Variants in DNAH7 observed in about 807,000 individuals in gnomAD.
The protein encoded by DNAH7 is axonemal beta dynein heavy chain 7.
In DNAH7, 397 loss-of-function variants were observed where a neutral mutation model predicts 444.6. The ratio of observed to expected loss-of-function variants is 0.89; its 90% CI spans 0.82 to 0.97. The LOEUF (loss-of-function observed/expected upper bound fraction) is 0.97. Among genes scored for constraint, DNAH7 ranks in the 50% least tolerant of loss-of-function variants. DNAH7 has a pLI of 0.00. For synonymous variants in DNAH7, 1,636 were observed against 1,624.4 expected (o/e 1.01, Z -0.17); for missense variants, 4,902 against 4,800.8 (o/e 1.02, Z -0.62).
chr2:195,743,173 G>C (rs1315823845), intron 63 of DNAH7, among the ~76,000 whole-genome samples: 2 of 152,240 alleles, frequency 1.3e-5, no homozygotes, highest in African/African-American at 4.8e-5. Flanking sequence ...CTAGTGGTTT[G>C]CCAGGGGCTC....
intron 62 of DNAH7, among the ~76,000 whole-genome samples, chr2:195,755,607 T>A (rs576166589): frequency 6.6e-6 from 1 of 152,346 alleles, no homozygotes; most frequent in East Asian, 1.9e-4. Flanking sequence ...ATAGGCAGCT[T>A]TTGACACATT....
At chr2:196,024,930 G>T (rs990215965) in intron 7 of DNAH7, among the ~76,000 whole-genome samples, 1 of 150,438 alleles carries the variant, frequency 6.6e-6, no homozygotes, top group Non-Finnish European at 1.5e-5. Context: ...AACCAACGAT[G>T]AATCAAAAAT....
intron 49 of DNAH7, among the ~76,000 whole-genome samples, chr2:195,818,068 C>T (rs982941050): frequency 6.6e-6 from 1 of 152,174 alleles, no homozygotes; most frequent in Non-Finnish European, 1.5e-5. Flanking sequence ...GTTTGGTGAT[C>T]AACTTATTCT....
chr2:195,955,269 T>C (rs1690566547), intron 19 of DNAH7, among the ~76,000 whole-genome samples: 1 of 152,226 alleles, frequency 6.6e-6, no homozygotes, highest in South Asian at 2.1e-4. Flanking sequence ...CAGCACCATT[T>C]ATTAAATAGG....
At chr2:195,796,478 G>T in intron 56 of DNAH7, 98 bp downstream of exon 56, 1 of 1,376,394 alleles carries the variant, frequency 7.3e-7, no homozygotes, top group Non-Finnish European at 9.9e-7. Flanking sequence ...AACCTGCAAC[G>T]CTCCAAATTA....
intron 10 of DNAH7, among the ~76,000 whole-genome samples, chr2:196,002,981 C>T (rs1369644954): frequency 6.7e-6 from 1 of 150,364 alleles, no homozygotes; most frequent in African/African-American, 2.4e-5. Context: ...CCACTCCAGC[C>T]TGGGTGACGA....
At chr2:195,802,721 T>C (rs1696531646) in intron 54 of DNAH7, among the ~76,000 whole-genome samples, 1 of 151,866 alleles carries the variant, frequency 6.6e-6, no homozygotes. Flanking sequence ...AAATTTTGTA[T>C]AAACTTATAG....
At chr2:195,804,968 C>A in intron 54 of DNAH7, among the ~76,000 whole-genome samples, 1 of 152,024 alleles carries the variant, frequency 6.6e-6, no homozygotes, top group East Asian at 1.9e-4. Context: ...TAAATTTAAC[C>A]TCCAATGATT....
At chr2:195,809,609 T>C (rs1186341124) in intron 52 of DNAH7, 136 bp downstream of exon 52, 1 of 765,686 alleles carries the variant, frequency 1.3e-6, no homozygotes, top group Non-Finnish European at 1.8e-6. Flanking sequence ...GATAACATCT[T>C]GCCTTAACTA....
Position 195,799,446 on chromosome 2 carries a change from T to C in DNAH7, c.10203A>G (p.Ile3401Met). Reference sequence around the variant, plus strand: ...TGAATGCACGTCCCAATCTGTTGATTATAAATTCCTGCAACATTGGAATAA... The same window carrying C: ...TGAATGCACGTCCCAATCTGTTGATCATAAATTCCTGCAACATTGGAATAA... The part of the protein sequence containing the change: ...DKVIPMLQEF[I>M]INRLGRAFIE... Residue 3401 changes from isoleucine (I) to methionine (M), a missense_variant, in exon 55 of 65, where the codon ATA becomes ATG. Physicochemically the swap from Ile to Met is conservative, Grantham distance 10. Coordinates refer to ENST00000312428, the MANE Select transcript of DNAH7 (RefSeq NM_018897.3). 1 of 1,599,354 alleles carries C rather than the reference T, an allele frequency of 6.3e-7. No homozygotes were observed. The highest frequency in any genetic ancestry group is 8.5e-7 in the Non-Finnish European group (1 of 1,173,934).
At chr2:195,880,327 T>C (rs1217853319) in intron 36 of DNAH7, among the ~76,000 whole-genome samples, 2 of 147,196 alleles carry the variant, frequency 1.4e-5, no homozygotes, top group African/African-American at 5.1e-5. Context: ...TTTCTTTCTT[T>C]TTCTTTTTTT....
At chr2:195,903,043 A>T (rs1686800983) in intron 27 of DNAH7, 1 of 152,208 alleles carries the variant, frequency 6.6e-6, no homozygotes, top group Admixed American at 6.5e-5. Flanking sequence ...AGAGCCAGGT[A>T]ACATGCCAAG....
chr2:196,013,208 A>C (rs909692379), intron 9 of DNAH7, among the ~76,000 whole-genome samples: 11 of 152,230 alleles, frequency 7.2e-5, no homozygotes, highest in Non-Finnish European at 1.6e-4. Flanking sequence ...TAATTTAAAC[A>C]GGAAAAGAGG....
In DNAH7 at chr2:195,984,690, C is replaced by T. The variant is rs1481971165; in HGVS notation, c.1775G>A (p.Arg592Lys). The T allele has an allele frequency of 1.9e-6, 3 of 1,613,856 alleles. No homozygotes were observed. The highest frequency in any genetic ancestry group is 2.5e-6 in the Non-Finnish European group (3 of 1,179,910). The change falls in exon 15 of 65, where the codon AGG (arginine) becomes AAG (lysine). Residue 592 changes from arginine to lysine, a missense_variant. Coordinates refer to ENST00000312428, the MANE Select transcript of DNAH7 (RefSeq NM_018897.3). ...AGTGCTAAGAGCTTTTTCAGCTATC[C>T]TCTCAAATTCATCGCATAATCTGAA... is the stretch of plus-strand genomic sequence containing the variant. ...VNTRLCDEFE[R>K]IAEKALSTPP...
chr2:195,916,530 T>C (rs1687689148), intron 24 of DNAH7, among the ~76,000 whole-genome samples: 1 of 149,102 alleles, frequency 6.7e-6, no homozygotes, highest in South Asian at 2.1e-4. Flanking sequence ...TAGTTGGTCA[T>C]AGTCAGCTCC....
Position 196,003,389 on chromosome 2 carries a change from C to T in DNAH7, c.990-1531G>A, listed in dbSNP as rs181008442. On this transcript the variant is annotated intron_variant, in intron 10 of 64. Transcript: ENST00000312428. ...TGCAGAACTGGAAAGAGGACAAATA[C>T]GATGTATTTTAAAAAGTATTCAATT... Among the ~76,000 whole-genome samples, 217 of 152,148 alleles carry T rather than the reference C, an allele frequency of 1.4e-3. 3 individuals carry two copies. The highest frequency in any genetic ancestry group is 6.6e-3 in the East Asian group (34 of 5,168).
chr2:196,060,714 GTATT>G (rs1206465747), intron 1 of DNAH7, among the ~76,000 whole-genome samples: 3 of 152,118 alleles, frequency 2.0e-5, no homozygotes, highest in African/African-American at 7.2e-5. Flanking sequence ...CTCCAGTGAG[GTATT>G]TATTCCTTGC....
At chr2:195,804,065 G>C (rs989815121) in intron 54 of DNAH7, among the ~76,000 whole-genome samples, 25 of 88,390 alleles carry the variant, frequency 2.8e-4, no homozygotes, top group African/African-American at 8.8e-4. Context: ...GGGGGAAGGA[G>C]ACCCCCCCCA....
chr2:196,004,191 T>A (rs950131175), intron 10 of DNAH7, among the ~76,000 whole-genome samples: 1 of 152,166 alleles, frequency 6.6e-6, no homozygotes, highest in Non-Finnish European at 1.5e-5. Context: ...TGGGGAATAT[T>A]TTAAGACTCA....
Sources: allele counts gnomAD v4.1 joint callset (sites outside exome capture counted in the v4.1 genomes callset), GRCh38; gene constraint gnomAD v4.1.1; transcripts MANE v1.5; gene names NCBI Gene and HGNC (gene_info 2026-07-23, HGNC 2026-07-21).